Variants in RHOBTB2 observed in about 807,000 individuals in gnomAD.
RHOBTB2 encodes the protein Rho related BTB domain containing 2, also known as rho-related BTB domain-containing protein 2.
In RHOBTB2, 39 loss-of-function variants were observed where a neutral mutation model predicts 66.5. The observed-to-expected ratio is 0.59, with a 90% CI of 0.45 to 0.77. The LOEUF is 0.77. RHOBTB2 is among the 30% of genes least tolerant of loss of function. The probability of loss-of-function intolerance (pLI) is 0.00; values close to 1 mark genes in which losing one functional copy is unlikely to be tolerated. For synonymous variants in RHOBTB2, 390 were observed against 395.0 expected (o/e 0.99, Z 0.15); for missense variants, 755 against 999.1 (o/e 0.76, Z 3.29).
upstream of RHOBTB2, chr8:22,995,807 G>C: frequency 1.3e-6 from 2 of 1,544,960 alleles, no homozygotes; most frequent in Non-Finnish European, 1.8e-6. Flanking sequence ...GGGGGGCGGA[G>C]CTCATGTCAC....
chr8:22,957,968 G>A, the RHOBTB2 span, among the ~76,000 whole-genome samples: 5 of 152,316 alleles, frequency 3.3e-5, no homozygotes, highest in Middle Eastern at 3.4e-3. Context: ...AATCCTAAAC[G>A]GGTCCTGTGA....
the RHOBTB2 span, among the ~76,000 whole-genome samples, chr8:22,968,281 C>T: frequency 3.3e-5 from 5 of 151,544 alleles, no homozygotes; most frequent in Admixed American, 6.6e-5. Context: ...TTTTTCTTAA[C>T]AAATTAAATG....
chr8:22,956,608 CAACTA>C, the RHOBTB2 span, among the ~76,000 whole-genome samples: 3 of 152,182 alleles, frequency 2.0e-5, no homozygotes, highest in Admixed American at 2.0e-4. Context: ...AATCATGAGC[CAACTA>C]AACTTCAATT....
upstream of RHOBTB2, among the ~76,000 whole-genome samples, chr8:22,985,131 G>A (rs945869007): frequency 3.9e-5 from 6 of 152,134 alleles, no homozygotes; most frequent in Non-Finnish European, 5.9e-5. Flanking sequence ...GGTACCCAAA[G>A]TCTGGTGGTG....
intron 7 of RHOBTB2, among the ~76,000 whole-genome samples, chr8:23,013,180 C>T (rs181163185): frequency 1.3e-5 from 2 of 152,138 alleles, no homozygotes; most frequent in Non-Finnish European, 2.9e-5. Context: ...GTGATCCTCC[C>T]ATCTCGGCTT....
At chr8:22,989,849 G>C (rs944631443) in intron 1 of RHOBTB2, among the ~76,000 whole-genome samples, 2 of 152,196 alleles carry the variant, frequency 1.3e-5, no homozygotes, top group African/African-American at 2.4e-5. Context: ...GTCTCCCCAA[G>C]AGGCTCTGAG....
intron 7 of RHOBTB2, among the ~76,000 whole-genome samples, chr8:23,011,224 A>G (rs1054999907): frequency 6.6e-6 from 1 of 152,360 alleles, no homozygotes; most frequent in South Asian, 2.1e-4. Context: ...ACTGCACTCC[A>G]GCCTGGGTGA....
At chr8:22,960,203 A>G in the RHOBTB2 span, among the ~76,000 whole-genome samples, 2 of 151,612 alleles carry the variant, frequency 1.3e-5, no homozygotes, top group Non-Finnish European at 1.5e-5. Flanking sequence ...CAAAAAAACA[A>G]GAACAAACAA....
At chr8:22,996,950 A>T (rs1013540009), upstream of RHOBTB2, among the ~76,000 whole-genome samples, 1 of 151,974 alleles carries the variant, frequency 6.6e-6, no homozygotes, top group South Asian at 2.1e-4. Context: ...TGAATAGCAG[A>T]GTGGGGGTCC....
upstream of RHOBTB2, among the ~76,000 whole-genome samples, chr8:22,983,892 G>A (rs928143735): frequency 1.3e-4 from 20 of 152,048 alleles, no homozygotes; most frequent in Non-Finnish European, 2.1e-4. Flanking sequence ...GCGCCACCAC[G>A]CCCAGCTAAT....
chr8:22,993,463 G>C (rs570254374), intron 2 of RHOBTB2, among the ~76,000 whole-genome samples: 543 of 152,298 alleles, frequency 3.6e-3, no homozygotes, highest in Non-Finnish European at 4.1e-3. Flanking sequence ...ATGTCTGTGA[G>C]GGGGAGCAGG....
the RHOBTB2 span, among the ~76,000 whole-genome samples, chr8:22,977,020 T>C: frequency 1.3e-5 from 2 of 152,158 alleles, no homozygotes; most frequent in African/African-American, 4.8e-5. Flanking sequence ...CTTGGGAGGC[T>C]GAGGTGGAAG....
chr8:23,017,175 T>C lies in RHOBTB2; in HGVS notation c.1967-77T>C. 2.5e-6 allele frequency: 4 copies of C among 1,572,224 alleles called. No homozygotes were observed. Among genetic ancestry groups the C allele is most frequent in the South Asian group, 2.4e-5 (2 of 84,358 alleles). ...TGGAGGCCTGCTGCAGGCCTTGTGG[T>C]GGGGTAGGGCTGGTGTCCCACGTTC... On this transcript the variant is annotated intron_variant, in intron 9 of 9. Coordinates refer to ENST00000251822, the MANE Select transcript of RHOBTB2 (RefSeq NM_015178.3). This position sits in a 1 kb window ranked among gnomAD's most constrained non-coding sequence, Gnocchi z 5.3.
chr8:23,004,626 G>C lies in RHOBTB2; in HGVS notation c.192G>C (p.Glu64Asp). The change falls in exon 2 of 10, where the codon GAG (glutamate) becomes GAC (aspartate). Residue 64 changes from glutamate to aspartate, a missense_variant and splice_region_variant. By Grantham distance (45) the Glu-to-Asp change is conservative. This residue lies in a region of RHOBTB2 where 65 missense variants were observed against 152.4 expected (regional missense o/e 0.43). Transcript: ENST00000251822. The surrounding 1 kb of genome is among the most constrained non-coding windows in gnomAD (Gnocchi z 6.4). ...WAIDQYRVCQ[E>D]VLERSRDVVD... ...TCGACCAATATCGTGTGTGCCAGGA[G>C]GTAAGGCTGCAGGACTACCTGGCTG... 1 of 1,611,934 alleles carries C rather than the reference G, an allele frequency of 6.2e-7. No homozygotes were observed. The highest frequency in any genetic ancestry group is 1.1e-5 in the South Asian group (1 of 90,870).
chr8:23,004,188 C>G lies in RHOBTB2; in HGVS notation c.-10-237C>G, dbSNP rs988200308. The G allele has an allele frequency of 3.6e-6, 2 of 551,544 alleles. No individual in the cohort carries two copies. The highest frequency in any genetic ancestry group is 6.5e-6 in the Non-Finnish European group (2 of 305,414). 34.2% of individuals were successfully genotyped at this position (551,544 alleles called of 1,614,324 possible). A position where few individuals can be genotyped will look rare whatever the true frequency, so the allele number is the denominator to read the frequency against. On this transcript the variant is annotated intron_variant, in intron 1 of 9. Coordinates refer to ENST00000251822, the MANE Select transcript of RHOBTB2 (RefSeq NM_015178.3). The surrounding 1 kb of genome is among the most constrained non-coding windows in gnomAD (Gnocchi z 6.4). Reference sequence around the variant, plus strand: ...ACGCACAGCTGGAGGATCGTGGGAGCAGGAAGGGGACAGGTGGCCCATCTG... The same window carrying G: ...ACGCACAGCTGGAGGATCGTGGGAGGAGGAAGGGGACAGGTGGCCCATCTG...
chr8:22,960,561 C>T, the RHOBTB2 span, among the ~76,000 whole-genome samples: 1 of 152,100 alleles, frequency 6.6e-6, no homozygotes, highest in Admixed American at 6.5e-5. Flanking sequence ...TCAAATGATC[C>T]ACTCACCTCA....
chr8:22,988,617 C>T (rs919921563), intron 1 of RHOBTB2, among the ~76,000 whole-genome samples: 1 of 152,094 alleles, frequency 6.6e-6, no homozygotes, highest in Non-Finnish European at 1.5e-5. Context: ...TTGCCCTCAG[C>T]CCCCCAAATT....
the RHOBTB2 span, among the ~76,000 whole-genome samples, chr8:22,951,870 G>A: frequency 5.3e-5 from 8 of 152,240 alleles, no homozygotes; most frequent in South Asian, 4.1e-4. Context: ...ACAGGTGTGC[G>A]CCACCAAGCC....
rs1811329001 is a variant in RHOBTB2 at position 23,017,454 on chromosome 8, C to T, written c.2169C>T (p.Ser723=). 1.3e-6 allele frequency: 2 copies of T among 1,590,304 alleles called. No individual in the cohort carries two copies. Among genetic ancestry groups the T allele is most frequent in the East Asian group, 2.3e-5 (1 of 43,444 alleles). The change falls in exon 10 of 10, where the codon TCC becomes TCT. Residue 723 remains serine, a synonymous_variant. Coordinates refer to ENST00000251822, the MANE Select transcript of RHOBTB2 (RefSeq NM_015178.3). This position sits in a 1 kb window ranked among gnomAD's most constrained non-coding sequence, Gnocchi z 5.3. The part of the protein sequence containing the change: ...SAASSSSPSS[S]SAVV ...CCTCCTCCTCATCCCCATCTTCCTC[C>T]TCGGCTGTGGTCTGAGATGCTGCCA...
Sources: allele counts gnomAD v4.1 joint callset (sites outside exome capture counted in the v4.1 genomes callset), GRCh38; gene constraint gnomAD v4.1.1; regional missense constraint gnomAD v4.1.1; non-coding constraint Gnocchi (gnomAD v3.1); transcripts MANE v1.5; gene names NCBI Gene and HGNC (gene_info 2026-07-23, HGNC 2026-07-21).